FHIT: variants seen among roughly 807,000 people sequenced by gnomAD.
FHIT encodes bis(5'-adenosyl)-triphosphatase.
A neutral mutation model predicts 17.9 loss-of-function variants in FHIT; 19 were observed. That is an observed-to-expected ratio of 1.06 (90% CI 0.74 to 1.56). FHIT has a LOEUF of 1.56. FHIT is among the 40% of genes most tolerant of loss of function. The probability of loss-of-function intolerance (pLI) is 0.00; values close to 1 mark genes in which losing one functional copy is unlikely to be tolerated. For synonymous variants in FHIT, 81 were observed against 69.7 expected, an observed-to-expected ratio of 1.16 and a Z score of -0.81; for missense variants, 248 against 189.2, an observed-to-expected ratio of 1.31 and a Z score of -1.82.
chr3:59,979,909 C>T lies in FHIT; in HGVS notation c.279+31462G>A, dbSNP rs555108278. Among the ~76,000 whole-genome samples, 4 of 152,272 alleles carry T rather than the reference C, an allele frequency of 2.6e-5. No individual in the cohort carries two copies. The South Asian group carries it at 8.3e-4, about 32-fold the overall frequency. On this transcript the variant is annotated intron_variant, in intron 7 of 9. Transcript: ENST00000492590. ...GACTGAGGAAATCTGGGAGATGAAACAGTAGCTCTTCTCCAGTCCTTCCCA... is the reference window on the plus strand; with the variant it reads ...GACTGAGGAAATCTGGGAGATGAAATAGTAGCTCTTCTCCAGTCCTTCCCA...
At chr3:60,035,513 C>G (rs1053995631) in intron 5 of FHIT, among the ~76,000 whole-genome samples, 1 of 152,206 alleles carries the variant, frequency 6.6e-6, no homozygotes, top group Non-Finnish European at 1.5e-5. Context: ...AGCCACCACA[C>G]CCAGCCAAAA....
chr3:60,966,017 G>A (rs564318566), intron 3 of FHIT, among the ~76,000 whole-genome samples: 1 of 152,174 alleles, frequency 6.6e-6, no homozygotes, highest in South Asian at 2.1e-4. Context: ...CTTTTTTTCA[G>A]CTATGCCCTG....
intron 5 of FHIT, among the ~76,000 whole-genome samples, chr3:60,511,984 TA>T (rs1258075006): frequency 3.3e-5 from 5 of 151,774 alleles, no homozygotes; most frequent in Admixed American, 2.6e-4. Flanking sequence ...AAAAAGGGGC[TA>T]AAAAAATTGA....
intron 4 of FHIT, chr3:60,730,237 G>T (rs1553710783): frequency 7.6e-6 from 2 of 263,458 alleles, no homozygotes; most frequent in East Asian, 1.0e-4. Context: ...AGCTGTCATG[G>T]CCACAGCCAG....
At chr3:59,772,089 C>A (rs546426898) in intron 8 of FHIT, among the ~76,000 whole-genome samples, 24 of 152,306 alleles carry the variant, frequency 1.6e-4, no homozygotes, top group African/African-American at 5.5e-4. Flanking sequence ...CAGTCACTGG[C>A]TTGTATCTCC....
At chr3:60,298,610 A>G (rs1456240066) in intron 5 of FHIT, among the ~76,000 whole-genome samples, 1 of 152,144 alleles carries the variant, frequency 6.6e-6, no homozygotes, top group Non-Finnish European at 1.5e-5. Flanking sequence ...TTTTTTGCAG[A>G]TATTCTTTAT....
At chr3:60,245,738 T>C (rs1705362068) in intron 5 of FHIT, among the ~76,000 whole-genome samples, 1 of 152,184 alleles carries the variant, frequency 6.6e-6, no homozygotes, top group Admixed American at 6.5e-5. Flanking sequence ...TACAAAAATA[T>C]TTATTGCAGA....
chr3:60,308,151 A>T (rs998398053), intron 5 of FHIT, among the ~76,000 whole-genome samples: 1 of 152,134 alleles, frequency 6.6e-6, no homozygotes, highest in Non-Finnish European at 1.5e-5. Context: ...CCATATAAGG[A>T]GTCAGACTTC....
chr3:59,805,949 A>T (rs1700176892), intron 8 of FHIT, among the ~76,000 whole-genome samples: 1 of 152,090 alleles, frequency 6.6e-6, no homozygotes, highest in South Asian at 2.1e-4. Flanking sequence ...TGAGAGGCCG[A>T]GGCGGGCAGA....
At chr3:60,660,189 C>T (rs948748990) in intron 4 of FHIT, among the ~76,000 whole-genome samples, 15 of 152,252 alleles carry the variant, frequency 9.9e-5, no homozygotes, top group African/African-American at 3.6e-4. Flanking sequence ...CCCTGGAAGT[C>T]ACTTCAGCTG....
At chr3:60,493,777 T>C (rs2034169298) in intron 5 of FHIT, among the ~76,000 whole-genome samples, 1 of 152,306 alleles carries the variant, frequency 6.6e-6, no homozygotes, top group South Asian at 2.1e-4. Flanking sequence ...AAATTCTAAA[T>C]ACTTAGAATT....
intron 3 of FHIT, among the ~76,000 whole-genome samples, chr3:61,021,678 A>C (rs2032445087): frequency 6.6e-6 from 1 of 151,936 alleles, no homozygotes; most frequent in Non-Finnish European, 1.5e-5. Flanking sequence ...ATTAGAACTC[A>C]GGATTAAGAA....
At chr3:60,741,721 T>A (rs2042245304) in intron 4 of FHIT, among the ~76,000 whole-genome samples, 1 of 152,230 alleles carries the variant, frequency 6.6e-6, no homozygotes, top group South Asian at 2.1e-4. Context: ...TCTAGCAAAA[T>A]GTACCTCCTT....
At chr3:60,363,289 G>A (rs1359959628) in intron 5 of FHIT, among the ~76,000 whole-genome samples, 1 of 152,070 alleles carries the variant, frequency 6.6e-6, no homozygotes, top group Admixed American at 6.5e-5. Flanking sequence ...GTGTGCCTAT[G>A]AAGTTTTAAG....
At chr3:60,029,915 G>GTGTC (rs1553655799) in intron 5 of FHIT, among the ~76,000 whole-genome samples, 2 of 147,350 alleles carry the variant, frequency 1.4e-5, no homozygotes, top group African/African-American at 4.9e-5. Context: ...GTGTGTGTGT[G>GTGTC]TGTGTGTGTG....
In FHIT at chr3:59,773,996, TAAATA is replaced by T. The variant is rs200141713; in HGVS notation, c.349-21680_349-21676del. Among the ~76,000 whole-genome samples the T allele has an allele frequency of 2.0e-3, 305 of 152,354 alleles. 1 individual carries two copies. The East Asian group carries it at 0.022, about 11-fold the overall frequency. On this transcript the variant is annotated intron_variant, in intron 8 of 9. Coordinates refer to ENST00000492590, the MANE Select transcript of FHIT (RefSeq NM_002012.4). ...AAATAATATTTATGATATTTTGGAT[TAAATA>T]AAATATTACAATTAATTTTATCTGT...
At chr3:60,588,510 G>A (rs1393284386) in intron 4 of FHIT, among the ~76,000 whole-genome samples, 2 of 151,872 alleles carry the variant, frequency 1.3e-5, no homozygotes, top group Non-Finnish European at 2.9e-5. Context: ...AAGGAGGGAA[G>A]GAAGGGTATA....
chr3:59,820,172 G>T (rs1012557597), intron 8 of FHIT, among the ~76,000 whole-genome samples: 1 of 152,210 alleles, frequency 6.6e-6, no homozygotes, highest in East Asian at 1.9e-4. Context: ...AATTTGCTGA[G>T]AACCAAGGTT....
intron 5 of FHIT, among the ~76,000 whole-genome samples, chr3:60,385,911 T>C (rs1287181611): frequency 3.3e-5 from 5 of 152,186 alleles, no homozygotes; most frequent in African/African-American, 1.2e-4. Flanking sequence ...TCTAAGAGAT[T>C]AACCCTACCC....
Sources: gnomAD v4.1 joint callset for allele counts (sites outside exome capture counted in the v4.1 genomes callset) on GRCh38, gnomAD v4.1.1 for gene constraint, MANE v1.5 for transcripts, NCBI Gene and HGNC (gene_info 2026-07-23, HGNC 2026-07-21) for gene names.